TRAPPC5: variants seen among roughly 807,000 people sequenced by gnomAD.
The protein encoded by TRAPPC5 is trafficking protein particle complex subunit 5.
Under a neutral mutation model 9.8 loss-of-function variants are expected in TRAPPC5, and 5 were observed. The ratio of observed to expected loss-of-function variants is 0.51; its 90% CI spans 0.27 to 1.07. The LOEUF (loss-of-function observed/expected upper bound fraction) is 1.07, where lower values mean the gene tolerates loss of function less well. Ranked by LOEUF, TRAPPC5 falls within the 50% of genes least tolerant of loss-of-function variation. The pLI, the probability that TRAPPC5 is intolerant of heterozygous loss-of-function variation, is 0.12. For missense variants in TRAPPC5, 243 were observed against 291.5 expected (o/e 0.83, Z 1.21); for synonymous variants, 146 against 140.7 (o/e 1.04, Z -0.26).
In TRAPPC5 at chr19:7,684,753, G is replaced by A. The variant is rs1454601360; in HGVS notation, c.*1933G>A. On this transcript the variant is annotated 3_prime_UTR_variant, in exon 2 of 2. Transcript: ENST00000596148. ...CCTAATTTTTTGTATTTTTAGTAGA[G>A]ATGAGGTTTCACTGTGTTGGCCAGT... The A allele has an allele frequency of 6.6e-6, 1 of 152,208 alleles. No individual in the cohort carries two copies. The highest frequency in any genetic ancestry group is 2.4e-5 in the African/African-American group (1 of 41,444). 9.4% of individuals were successfully genotyped at this position (152,208 alleles called of 1,614,324 possible).
At position 7,682,418 on chromosome 19, in the gene TRAPPC5, C is replaced by T. The variant is rs775787559; in HGVS notation, c.165C>T (p.Ala55=). ...TGGCCGAGCTGCAGTCGCGCCTGGC[C>T]GCGCTGGGCCGCCAGGTGGGCGCGC... ...FSVAELQSRL[A]ALGRQVGARV... The change falls in exon 2 of 2, where the codon GCC becomes GCT. Residue 55 remains alanine (A), a synonymous_variant. Coordinates refer to ENST00000596148, the MANE Select transcript of TRAPPC5 (RefSeq NM_001042462.2). This position sits in a 1 kb window ranked among gnomAD's most constrained non-coding sequence, Gnocchi z 8.6. The T allele has an allele frequency of 2.5e-6, 4 of 1,591,450 alleles. No homozygotes were observed. The South Asian group carries it at 3.4e-5, about 13-fold the overall frequency.
In TRAPPC5 at chr19:7,683,652, A is replaced by G. The variant is rs181939170; in HGVS notation, c.*832A>G. 1 of 144,146 alleles carries G rather than the reference A, an allele frequency of 6.9e-6. No individual in the cohort carries two copies. The highest frequency in any genetic ancestry group is 2.2e-4 in the East Asian group (1 of 4,644). 8.9% of individuals were successfully genotyped at this position (144,146 alleles called of 1,614,324 possible). A position where few individuals can be genotyped will look rare whatever the true frequency, so the allele number is the denominator to read the frequency against. On this transcript the variant is annotated 3_prime_UTR_variant, in exon 2 of 2. Transcript: ENST00000596148. The stretch of plus-strand genomic sequence containing the variant: ...TTTGCCTTCTTCCCTCATTTATTAT[A>G]TTTTTCAGAGACAGGGTTTTGTTCT...
Position 7,686,965 on chromosome 19 carries a change from T to C in TRAPPC5, c.*4145T>C, listed in dbSNP as rs34951221. The C allele has an allele frequency of 0.067, 10,144 of 152,070 alleles. 379 individuals carry two copies. The highest frequency in any genetic ancestry group is 0.082 in the Non-Finnish European group (5,594 of 68,012). 9.4% of individuals were successfully genotyped at this position (152,070 alleles called of 1,614,324 possible). A position where few individuals can be genotyped will look rare whatever the true frequency, so the allele number is the denominator to read the frequency against. ...CTAGTTTTTGTATTTTTTGTAGAGA[T>C]GGGGCCTCACTATGTTGCCCAGGCT... On this transcript the variant is annotated 3_prime_UTR_variant, in exon 2 of 2. Transcript: ENST00000596148.
At position 7,682,308 on chromosome 19, in the gene TRAPPC5, C is replaced by T. The variant is rs2032651331; in HGVS notation, c.55C>T (p.Arg19Trp). ...KSALLERALARPRTEVSLSAF... is the reference protein window; with the variant it reads ...KSALLERALAWPRTEVSLSAF... ...GGCGCTGCTGGAGCGCGCGCTGGCG[C>T]GGCCGCGCACCGAGGTGAGCCTGAG... Residue 19 changes from arginine to tryptophan, a missense_variant, in exon 2 of 2, where the codon CGG becomes TGG. By Grantham distance (101) the Arg-to-Trp change is moderately radical. Transcript: ENST00000596148. This position sits in a 1 kb window ranked among gnomAD's most constrained non-coding sequence, Gnocchi z 8.6. 2 of 1,488,318 alleles carry T rather than the reference C, an allele frequency of 1.3e-6. No individual in the cohort carries two copies. Among genetic ancestry groups the T allele is most frequent in the Non-Finnish European group, 8.9e-7 (1 of 1,127,396 alleles). 92.2% of individuals were successfully genotyped at this position (1,488,318 alleles called of 1,614,324 possible).
Position 7,685,343 on chromosome 19 carries a change from T to G in TRAPPC5, c.*2523T>G, listed in dbSNP as rs1336707597. 1 of 152,194 alleles carries G rather than the reference T, an allele frequency of 6.6e-6. No homozygotes were observed. The highest frequency in any genetic ancestry group is 1.5e-5 in the Non-Finnish European group (1 of 68,036). 9.4% of individuals were successfully genotyped at this position (152,194 alleles called of 1,614,324 possible). ...TCCCTTTTTGTTCACCACACTTGGT[T>G]CCTGATAACTCCTCCTCTCCCCCAA... On this transcript the variant is annotated 3_prime_UTR_variant, in exon 2 of 2. Transcript: ENST00000596148.
At position 7,682,860 on chromosome 19, in the gene TRAPPC5, G is replaced by GTGTGTCT. The variant is rs1491386651; in HGVS notation, c.*53_*59dup. 6.0e-6 allele frequency: 9 copies of GTGTGTCT among 1,512,340 alleles called. No individual in the cohort carries two copies. The highest frequency in any genetic ancestry group is 2.8e-5 in the African/African-American group (2 of 72,428). 93.7% of individuals were successfully genotyped at this position (1,512,340 alleles called of 1,614,324 possible). Reference sequence around the variant, plus strand: ...AAGGATACAGAGAGCCCCTCCCCACGTGTGTCTTGTGTCTTGTGTGGCGGC... The same window carrying GTGTGTCT: ...AAGGATACAGAGAGCCCCTCCCCACGTGTGTCTTGTGTCTTGTGTCTTGTGTGGCGGC... On this transcript the variant is annotated 3_prime_UTR_variant, in exon 2 of 2. Coordinates refer to ENST00000596148, the MANE Select transcript of TRAPPC5 (RefSeq NM_001042462.2). The surrounding 1 kb of genome is among the most constrained non-coding windows in gnomAD (Gnocchi z 8.6).
At position 7,685,850 on chromosome 19, in the gene TRAPPC5, G is replaced by T; in HGVS notation, c.*3030G>T. The T allele has an allele frequency of 6.6e-6, 1 of 152,638 alleles. No individual in the cohort carries two copies. The allele number at this position is 152,638 out of a possible 1,614,324, so 9.5% of individuals were successfully genotyped here. ...GGGGCCAGCAGATGCACAGGTCTTG[G>T]GGTTTGGGGTCTGGAGTTCTGGAGG... On this transcript the variant is annotated 3_prime_UTR_variant, in exon 2 of 2. Coordinates refer to ENST00000596148, the MANE Select transcript of TRAPPC5 (RefSeq NM_001042462.2).
chr19:7,682,985 A>G lies in TRAPPC5; in HGVS notation c.*165A>G. The G allele has an allele frequency of 1.3e-6, 1 of 763,548 alleles. No individual in the cohort carries two copies. The highest frequency in any genetic ancestry group is 2.1e-6 in the Non-Finnish European group (1 of 477,794). The allele number at this position is 763,548 out of a possible 1,614,324, so 47.3% of individuals were successfully genotyped here. ...CAGTAGAGTGGGGGCGGGTCTGGCC[A>G]TAGGGTTGGGGGGTTGAGTGAGACC... is the stretch of plus-strand genomic sequence containing the variant. On this transcript the variant is annotated 3_prime_UTR_variant, in exon 2 of 2. Transcript: ENST00000596148. This position sits in a 1 kb window ranked among gnomAD's most constrained non-coding sequence, Gnocchi z 8.6.
chr19:7,682,979 C>A lies in TRAPPC5; in HGVS notation c.*159C>A. ...TGTTTACAGTAGAGTGGGGGCGGGT[C>A]TGGCCATAGGGTTGGGGGGTTGAGT... On this transcript the variant is annotated 3_prime_UTR_variant, in exon 2 of 2. Transcript: ENST00000596148. This position sits in a 1 kb window ranked among gnomAD's most constrained non-coding sequence, Gnocchi z 8.6. The A allele has an allele frequency of 2.5e-6, 2 of 803,998 alleles. No homozygotes were observed. The highest frequency in any genetic ancestry group is 3.9e-6 in the Non-Finnish European group (2 of 513,336). The allele number at this position is 803,998 out of a possible 1,614,324, so 49.8% of individuals were successfully genotyped here.
At position 7,682,382 on chromosome 19, in the gene TRAPPC5, C is replaced by T. The variant is rs1306346274; in HGVS notation, c.129C>T (p.Arg43=). ...FSELVQHCQS[R]VFSVAELQSR... ...AGCTGGTACAGCACTGCCAGAGCCG[C>T]GTCTTCTCCGTGGCCGAGCTGCAGT... Residue 43 remains arginine, a synonymous_variant, in exon 2 of 2, where the codon CGC becomes CGT. Transcript: ENST00000596148. This position sits in a 1 kb window ranked among gnomAD's most constrained non-coding sequence, Gnocchi z 8.6. 2.5e-6 allele frequency: 4 copies of T among 1,570,840 alleles called. No homozygotes were observed. In the African/African-American group the frequency reaches 4.1e-5, roughly 16 times the overall value.
chr19:7,687,179 G>A lies in TRAPPC5; in HGVS notation c.*4359G>A, dbSNP rs930996538. 1 of 152,384 alleles carries A rather than the reference G, an allele frequency of 6.6e-6. No individual in the cohort carries two copies. Among genetic ancestry groups the A allele is most frequent in the African/African-American group, 2.4e-5 (1 of 41,466 alleles). 9.4% of individuals were successfully genotyped at this position (152,384 alleles called of 1,614,324 possible). ...TGCTCCAGTCGAGGCAGTGGCAGAA[G>A]GGGTGAGCAGTGAGTGATTGTGAGC... On this transcript the variant is annotated 3_prime_UTR_variant, in exon 2 of 2. Transcript: ENST00000596148.
chr19:7,682,176 C>T lies in TRAPPC5; in HGVS notation c.-12-66C>T. ...CCCAGGGCCCCTCGCGGTTCTCCCT[C>T]CTTTCCTCCCGGCCTGCTCCCCTTC... On this transcript the variant is annotated intron_variant, in intron 1 of 1. Coordinates refer to ENST00000596148, the MANE Select transcript of TRAPPC5 (RefSeq NM_001042462.2). This position sits in a 1 kb window ranked among gnomAD's most constrained non-coding sequence, Gnocchi z 8.6. 7.6e-7 allele frequency: 1 copy of T among 1,318,810 alleles called. No homozygotes were observed. Among genetic ancestry groups the T allele is most frequent in the Admixed American group, 3.9e-5 (1 of 25,806 alleles). The allele number at this position is 1,318,810 out of a possible 1,614,324, so 81.7% of individuals were successfully genotyped here.
chr19:7,682,429 G>A lies in TRAPPC5; in HGVS notation c.176G>A (p.Arg59His), dbSNP rs750022051. The A allele has an allele frequency of 6.3e-7, 1 of 1,599,162 alleles. No individual in the cohort carries two copies. The highest frequency in any genetic ancestry group is 1.7e-4 in the Middle Eastern group (1 of 5,740). Reference protein sequence around the residue: ...ELQSRLAALGRQVGARVLDAL... With the variant: ...ELQSRLAALGHQVGARVLDAL... ...CAGTCGCGCCTGGCCGCGCTGGGCC[G>A]CCAGGTGGGCGCGCGCGTGCTGGAT... Residue 59 changes from arginine to histidine, a missense_variant, in exon 2 of 2, where the codon CGC (arginine) becomes CAC (histidine). This residue lies in a region of TRAPPC5 where 154 missense variants were observed against 215.8 expected (regional missense o/e 0.71). Transcript: ENST00000596148. This position sits in a 1 kb window ranked among gnomAD's most constrained non-coding sequence, Gnocchi z 8.6.
At position 7,682,719 on chromosome 19, in the gene TRAPPC5, T is replaced by G. The variant is rs1276837778; in HGVS notation, c.466T>G (p.Phe156Val). The G allele has an allele frequency of 6.2e-7, 1 of 1,612,684 alleles. No individual in the cohort carries two copies. Among genetic ancestry groups the G allele is most frequent in the South Asian group, 1.1e-5 (1 of 90,872 alleles). ...IVEAVLTHSG[F>V]PAKVTAHWHK... ...GGAGGCGGTGCTCACACACAGCGGC[T>G]TCCCTGCCAAGGTCACGGCGCACTG... Residue 156 changes from phenylalanine to valine, a missense_variant, in exon 2 of 2, where the codon TTC becomes GTC. By Grantham distance (50) the Phe-to-Val change is conservative. Coordinates refer to ENST00000596148, the MANE Select transcript of TRAPPC5 (RefSeq NM_001042462.2). The surrounding 1 kb of genome is among the most constrained non-coding windows in gnomAD (Gnocchi z 8.6).
rs1428187762 is a variant in TRAPPC5, at chr19:7,681,734, G to A, written c.-12-508G>A. ...CTGGCTTTCCGCAGGGGGCCGGCAG[G>A]AAAGTTCCCGAGGGTCGTCTGTGCT... On this transcript the variant is annotated intron_variant, in intron 1 of 1. Transcript: ENST00000596148. The surrounding 1 kb of genome is among the most constrained non-coding windows in gnomAD (Gnocchi z 8.7). Among the ~76,000 whole-genome samples, 1 of 152,104 alleles carries A rather than the reference G, an allele frequency of 6.6e-6. No homozygotes were observed. The highest frequency in any genetic ancestry group is 1.5e-5 in the Non-Finnish European group (1 of 68,018).
In TRAPPC5 at chr19:7,682,897, T is replaced by TTTG; in HGVS notation, c.*77_*78insTTG. 6.9e-7 allele frequency: 1 copy of TTTG among 1,443,868 alleles called. No homozygotes were observed. The highest frequency in any genetic ancestry group is 9.3e-7 in the Non-Finnish European group (1 of 1,074,946). 89.4% of individuals were successfully genotyped at this position (1,443,868 alleles called of 1,614,324 possible). A position where few individuals can be genotyped will look rare whatever the true frequency, so the allele number is the denominator to read the frequency against. On this transcript the variant is annotated 3_prime_UTR_variant, in exon 2 of 2. Transcript: ENST00000596148. The surrounding 1 kb of genome is among the most constrained non-coding windows in gnomAD (Gnocchi z 8.6). The stretch of plus-strand genomic sequence containing the variant: ...TCTTGTGTGGCGGCCTTAGATCCAC[T>TTTG]CAGTACCTTGAGCCACAGCCCTGCC...
rs1335637550 is a variant in TRAPPC5 at position 7,685,439 on chromosome 19, G to T, written c.*2619G>T. 1.3e-5 allele frequency: 2 copies of T among 152,138 alleles called. No homozygotes were observed. The highest frequency in any genetic ancestry group is 4.8e-5 in the African/African-American group (2 of 41,424). The allele number at this position is 152,138 out of a possible 1,614,324, so 9.4% of individuals were successfully genotyped here. The stretch of plus-strand genomic sequence containing the variant: ...CCTGCTTCCTTTCCACCGCCCCCCA[G>T]AATGTGAACAGACAGGTCTGTTCAG... On this transcript the variant is annotated 3_prime_UTR_variant, in exon 2 of 2. Transcript: ENST00000596148.
rs2032627066 is a variant in TRAPPC5, at chr19:7,681,009, C to T, written c.-13+131C>T. 1 of 152,198 alleles carries T rather than the reference C, an allele frequency of 6.6e-6. No individual in the cohort carries two copies. The highest frequency in any genetic ancestry group is 6.5e-5 in the Admixed American group (1 of 15,282). 9.4% of individuals were successfully genotyped at this position (152,198 alleles called of 1,614,324 possible). A position where few individuals can be genotyped will look rare whatever the true frequency, so the allele number is the denominator to read the frequency against. ...CGAGCCCGCTCGCTTCGGCCCCCCT[C>T]AGGAGGCTGCGAGGAGGGTGGGTTT... On this transcript the variant is annotated intron_variant, in intron 1 of 1. Coordinates refer to ENST00000596148, the MANE Select transcript of TRAPPC5 (RefSeq NM_001042462.2). This position sits in a 1 kb window ranked among gnomAD's most constrained non-coding sequence, Gnocchi z 8.7.
rs1599424452 is a variant in TRAPPC5, at chr19:7,681,174, C to G, written c.-13+296C>G. 6.6e-6 allele frequency: 1 copy of G among 152,384 alleles called. No individual in the cohort carries two copies. The highest frequency in any genetic ancestry group is 1.5e-5 in the Non-Finnish European group (1 of 68,194). 9.4% of individuals were successfully genotyped at this position (152,384 alleles called of 1,614,324 possible). A position where few individuals can be genotyped will look rare whatever the true frequency, so the allele number is the denominator to read the frequency against. On this transcript the variant is annotated intron_variant, in intron 1 of 1. Transcript: ENST00000596148. This position sits in a 1 kb window ranked among gnomAD's most constrained non-coding sequence, Gnocchi z 8.7. ...TCTCGCGCGCCCAGGGCCCTCGCCA[C>G]GGACGGATCTGCATGCTGGGGCGGG...
Sources: gnomAD v4.1 joint callset for allele counts (sites outside exome capture counted in the v4.1 genomes callset) on GRCh38, gnomAD v4.1.1 for gene constraint, gnomAD v4.1.1 regional missense constraint, Gnocchi (gnomAD v3.1) non-coding constraint, MANE v1.5 for transcripts, NCBI Gene and HGNC (gene_info 2026-07-23, HGNC 2026-07-21) for gene names.